MACROD2: variants seen among roughly 807,000 people sequenced by gnomAD.
MACROD2 encodes the protein mono-ADP ribosylhydrolase 2.
In MACROD2, 36 loss-of-function variants were observed where a neutral mutation model predicts 70.4. The ratio of observed to expected loss-of-function variants is 0.51; its 90% CI spans 0.39 to 0.68. MACROD2 has a LOEUF of 0.68. Among genes scored for constraint, MACROD2 ranks in the 30% least tolerant of loss-of-function variants. The probability of loss-of-function intolerance (pLI) is 0.00; values close to 1 mark genes in which losing one functional copy is unlikely to be tolerated. For missense variants in MACROD2, 496 were observed against 538.4 expected, an observed-to-expected ratio of 0.92 and a Z score of 0.78; for synonymous variants, 172 against 178.8, an observed-to-expected ratio of 0.96 and a Z score of 0.30.
intron 15 of MACROD2, among the ~76,000 whole-genome samples, chr20:16,020,530 C>T (rs879581004): frequency 6.6e-6 from 1 of 150,926 alleles, no homozygotes; most frequent in African/African-American, 2.4e-5. Flanking sequence ...TTCTTTGTTG[C>T]CTGTAAAGAG....
chr20:15,532,329 C>T (rs898226942), intron 8 of MACROD2, among the ~76,000 whole-genome samples: 2 of 152,086 alleles, frequency 1.3e-5, no homozygotes, highest in East Asian at 3.9e-4. Context: ...TGCTAAATCT[C>T]TCAACCCTAG....
intron 4 of MACROD2, among the ~76,000 whole-genome samples, chr20:14,604,352 C>A (rs1982670245): frequency 6.6e-6 from 1 of 152,210 alleles, no homozygotes; most frequent in Admixed American, 6.5e-5. Context: ...TTGCACACTA[C>A]CATAGCTAAT....
At chr20:14,621,592 A>G (rs1600467651) in intron 4 of MACROD2, among the ~76,000 whole-genome samples, 1 of 152,278 alleles carries the variant, frequency 6.6e-6, no homozygotes, top group South Asian at 2.1e-4. Context: ...TGTTGTTGCT[A>G]AGATAACTTT....
intron 6 of MACROD2, among the ~76,000 whole-genome samples, chr20:15,405,656 C>T (rs1345110581): frequency 6.6e-6 from 1 of 152,124 alleles, no homozygotes; most frequent in Non-Finnish European, 1.5e-5. Flanking sequence ...TTCTTTACTC[C>T]TCCTGTCTCG....
intron 5 of MACROD2, among the ~76,000 whole-genome samples, chr20:14,760,402 C>T (rs563480448): frequency 2.0e-4 from 31 of 151,994 alleles, no homozygotes; most frequent in Non-Finnish European, 2.8e-4. Flanking sequence ...AAGTTCTGAG[C>T]CTGGGGCCAG....
intron 4 of MACROD2, among the ~76,000 whole-genome samples, chr20:14,531,125 G>T (rs536362350): frequency 6.6e-6 from 1 of 152,288 alleles, no homozygotes; most frequent in South Asian, 2.1e-4. Context: ...GGGATGGAAA[G>T]AACTTGTCAA....
At chr20:15,641,234 CT>C (rs1442354461) in intron 8 of MACROD2, among the ~76,000 whole-genome samples, 1 of 152,170 alleles carries the variant, frequency 6.6e-6, no homozygotes, top group Admixed American at 6.5e-5. Context: ...TTATTCTTTT[CT>C]TCTCTTTCAT....
intron 10 of MACROD2, among the ~76,000 whole-genome samples, chr20:15,924,699 A>G (rs1244117045): frequency 6.6e-6 from 1 of 152,238 alleles, no homozygotes; most frequent in Non-Finnish European, 1.5e-5. Flanking sequence ...TTAATTGATG[A>G]CAAAGCTATA....
intron 3 of MACROD2, among the ~76,000 whole-genome samples, chr20:14,269,785 G>A (rs79824555): frequency 0.011 from 1,700 of 148,298 alleles, 30 homozygotes; most frequent in Middle Eastern, 0.041. Flanking sequence ...TTTCTTCAGC[G>A]TCTTTGATAA....
chr20:14,398,138 C>A (rs1006111696), intron 3 of MACROD2, among the ~76,000 whole-genome samples: 1 of 151,994 alleles, frequency 6.6e-6, no homozygotes, highest in Admixed American at 6.6e-5. Flanking sequence ...TTTGCTTTAT[C>A]CACTTATCTG....
intron 12 of MACROD2, among the ~76,000 whole-genome samples, chr20:15,959,397 T>C (rs558504624): frequency 1.3e-5 from 2 of 152,246 alleles, no homozygotes; most frequent in Non-Finnish European, 2.9e-5. Flanking sequence ...TGTAAGTTAA[T>C]TGGCATAATG....
intron 5 of MACROD2, among the ~76,000 whole-genome samples, chr20:14,951,311 T>C (rs2074474176): frequency 1.3e-5 from 2 of 152,068 alleles, no homozygotes; most frequent in African/African-American, 4.8e-5. Context: ...GCCATGGATG[T>C]AAATGCAGGA....
chr20:14,011,260 T>C (rs143545728), intron 2 of MACROD2, among the ~76,000 whole-genome samples: 1 of 152,148 alleles, frequency 6.6e-6, no homozygotes, highest in Non-Finnish European at 1.5e-5. Flanking sequence ...TCTCATTATC[T>C]AGGCCTTTCT....
intron 3 of MACROD2, among the ~76,000 whole-genome samples, chr20:14,117,872 A>C (rs750897320): frequency 6.6e-6 from 1 of 152,060 alleles, no homozygotes; most frequent in Non-Finnish European, 1.5e-5. Context: ...TACTTCCCCC[A>C]CCAGGATACA....
intron 3 of MACROD2, chr20:14,325,090 T>C (rs2082712508): frequency 6.5e-6 from 1 of 152,698 alleles, no homozygotes; most frequent in Non-Finnish European, 1.5e-5. Context: ...AAATTAAATT[T>C]TATCTCATTC....
chr20:15,180,389 T>G (rs2076492072), intron 5 of MACROD2, among the ~76,000 whole-genome samples: 1 of 152,292 alleles, frequency 6.6e-6, no homozygotes, highest in Admixed American at 6.5e-5. Flanking sequence ...ATGGTGCCTG[T>G]GCACCCAGAC....
intron 8 of MACROD2, among the ~76,000 whole-genome samples, chr20:15,664,288 G>T (rs1217484067): frequency 1.3e-5 from 2 of 152,162 alleles, no homozygotes; most frequent in South Asian, 2.1e-4. Context: ...ACCACCAAGG[G>T]TTTAGATTAA....
chr20:15,247,319 T>C (rs1382006277), intron 6 of MACROD2, among the ~76,000 whole-genome samples: 3 of 152,190 alleles, frequency 2.0e-5, no homozygotes, highest in Non-Finnish European at 4.4e-5. Flanking sequence ...TGCCATTGCA[T>C]GGTGAAGCAC....
In MACROD2 at chr20:14,709,987, T is replaced by C. The variant is rs112314353; in HGVS notation, c.418+25028T>C. 6.6e-3 allele frequency among the ~76,000 whole-genome samples: 996 copies of C among 152,024 alleles called. 14 individuals carry two copies. The highest frequency in any genetic ancestry group is 0.023 in the African/African-American group (957 of 41,538). ...AACATATTTTCTAATTGATCAACTG[T>C]ATTTATTTTTATTTATATATTTCTC... is the stretch of plus-strand genomic sequence containing the variant. On this transcript the variant is annotated intron_variant, in intron 5 of 17. Coordinates refer to ENST00000684519, the MANE Select transcript of MACROD2 (RefSeq NM_001351661.2).
Sources: allele counts gnomAD v4.1 joint callset (sites outside exome capture counted in the v4.1 genomes callset), GRCh38; gene constraint gnomAD v4.1.1; transcripts MANE v1.5; gene names NCBI Gene and HGNC (gene_info 2026-07-23, HGNC 2026-07-21).